Variants in NCKAP5 observed in about 807,000 individuals in gnomAD.
NCKAP5 encodes the protein NCK associated protein 5, also known as nck-associated protein 5.
A neutral mutation model predicts 167.0 loss-of-function variants in NCKAP5; 92 were observed. The ratio of observed to expected loss-of-function variants is 0.55; its 90% CI spans 0.47 to 0.66. NCKAP5 has a LOEUF of 0.66. NCKAP5 is among the 30% of genes least tolerant of loss of function. The pLI, the probability that NCKAP5 is intolerant of heterozygous loss-of-function variation, is 0.00. For missense variants in NCKAP5, 2,378 were observed against 2,315.0 expected (o/e 1.03, Z -0.56); for synonymous variants, 891 against 877.4 (o/e 1.02, Z -0.27).
chr2:132,938,599 C>G (rs953479644), intron 8 of NCKAP5, among the ~76,000 whole-genome samples: 1 of 152,168 alleles, frequency 6.6e-6, no homozygotes, highest in African/African-American at 2.4e-5. Flanking sequence ...CACCATGTCT[C>G]TGTGTGTAAA....
Position 132,783,001 on chromosome 2 carries a change from G to A in NCKAP5, c.3810C>T (p.Gly1270=), listed in dbSNP as rs762873551. 54 of 1,613,774 alleles carry A rather than the reference G, an allele frequency of 3.3e-5. No individual in the cohort carries two copies. Among genetic ancestry groups the A allele is most frequent in the African/African-American group, 1.1e-4 (8 of 74,910 alleles). ...PHLKPALGMN[G]AKARSHSFST... ...TGAAGCTGTGGCTGCGGGCTTTGGC[G>A]CCATTCATACCCAGAGCTGGTTTTA... is the stretch of plus-strand genomic sequence containing the variant. Residue 1270 remains glycine, a synonymous_variant, in exon 14 of 20, where the codon GGC becomes GGT. Coordinates refer to ENST00000409261, the MANE Select transcript of NCKAP5 (RefSeq NM_207363.3).
At chr2:132,967,569 A>C (rs965533935) in intron 7 of NCKAP5, among the ~76,000 whole-genome samples, 2 of 152,184 alleles carry the variant, frequency 1.3e-5, no homozygotes, top group Non-Finnish European at 2.9e-5. Context: ...AGAATAGTTG[A>C]ATAATAGGAT....
the NCKAP5 span, among the ~76,000 whole-genome samples, chr2:133,579,333 T>G: frequency 6.6e-6 from 1 of 152,182 alleles, no homozygotes; most frequent in East Asian, 1.9e-4. Flanking sequence ...ACTATAGACT[T>G]ATAATGAAAC....
intron 3 of NCKAP5, among the ~76,000 whole-genome samples, chr2:133,499,794 A>G (rs1682327879): frequency 6.6e-6 from 1 of 152,084 alleles, no homozygotes; most frequent in African/African-American, 2.4e-5. Flanking sequence ...TCCTGACCTC[A>G]TGATCCGCCC....
At chr2:132,700,006 G>T (rs1400301486) in intron 19 of NCKAP5, among the ~76,000 whole-genome samples, 1 of 152,106 alleles carries the variant, frequency 6.6e-6, no homozygotes, top group Non-Finnish European at 1.5e-5. Context: ...TTCCTGACTT[G>T]TTAATGATCG....
chr2:133,466,529 T>A (rs1416713777), intron 3 of NCKAP5, among the ~76,000 whole-genome samples: 37 of 151,298 alleles, frequency 2.4e-4, no homozygotes, highest in Admixed American at 2.4e-3. Flanking sequence ...TAAAGTAGTT[T>A]TTTCCAATTC....
intron 11 of NCKAP5, among the ~76,000 whole-genome samples, chr2:132,807,619 CTT>C (rs1685540138): frequency 6.6e-6 from 1 of 152,234 alleles, no homozygotes; most frequent in African/African-American, 2.4e-5. Context: ...TATCCGGAAA[CTT>C]TGCTGAATTC....
intron 5 of NCKAP5, among the ~76,000 whole-genome samples, chr2:133,179,233 T>G (rs1277691389): frequency 1.7e-5 from 2 of 121,146 alleles, no homozygotes; most frequent in South Asian, 5.4e-4. Flanking sequence ...TCAGATTTGG[T>G]TTTTTTTTTT....
At chr2:133,472,492 G>T (rs536100337) in intron 3 of NCKAP5, among the ~76,000 whole-genome samples, 1 of 151,702 alleles carries the variant, frequency 6.6e-6, no homozygotes, top group East Asian at 2.0e-4. Flanking sequence ...TCCTTTTTAG[G>T]CTCCCCTCCA....
chr2:133,350,829 C>CA (rs1265131161), intron 3 of NCKAP5, among the ~76,000 whole-genome samples: 1 of 152,078 alleles, frequency 6.6e-6, no homozygotes, highest in African/African-American at 2.4e-5. Context: ...AAGACCTTTG[C>CA]ACATGTTGTT....
At chr2:133,322,674 T>C (rs1450821622) in intron 3 of NCKAP5, among the ~76,000 whole-genome samples, 1 of 152,206 alleles carries the variant, frequency 6.6e-6, no homozygotes, top group Non-Finnish European at 1.5e-5. Context: ...AACAATTGCA[T>C]TTGAGAATCT....
At chr2:133,632,667 T>A in the NCKAP5 span, among the ~76,000 whole-genome samples, 16 of 152,166 alleles carry the variant, frequency 1.1e-4, no homozygotes, top group African/African-American at 3.4e-4. Flanking sequence ...AGATGGACCA[T>A]CTCCTCCAGG....
At chr2:133,494,271 C>T (rs920515051) in intron 3 of NCKAP5, among the ~76,000 whole-genome samples, 3 of 152,186 alleles carry the variant, frequency 2.0e-5, no homozygotes, top group Non-Finnish European at 2.9e-5. Flanking sequence ...GCTATCAAGG[C>T]CTAATTTCTG....
intron 3 of NCKAP5, among the ~76,000 whole-genome samples, chr2:133,361,423 C>T: frequency 6.6e-6 from 1 of 152,174 alleles, no homozygotes; most frequent in East Asian, 1.9e-4. Flanking sequence ...TTCATGGTTT[C>T]ACAAAGTCTC....
At chr2:132,907,561 A>C (rs2148936938) in intron 8 of NCKAP5, among the ~76,000 whole-genome samples, 1 of 152,034 alleles carries the variant, frequency 6.6e-6, no homozygotes, top group South Asian at 2.1e-4. Flanking sequence ...CTGTATGTGC[A>C]CTAAGAGGCA....
intron 8 of NCKAP5, among the ~76,000 whole-genome samples, chr2:132,928,958 C>CCAAAACAAAACAAAACAAAA (rs71398578): frequency 6.7e-5 from 10 of 148,702 alleles, no homozygotes; most frequent in African/African-American, 2.2e-4. Context: ...CCCTTCTCTA[C>CCAAAACAAAACAAAACAAAA]CAAAACAAAA....
chr2:133,228,328 C>T (rs1258160495), intron 4 of NCKAP5, among the ~76,000 whole-genome samples: 2 of 152,034 alleles, frequency 1.3e-5, no homozygotes, highest in East Asian at 1.9e-4. Flanking sequence ...AAAAAATAAC[C>T]GGATCTCTTT....
At chr2:133,538,954 T>TTTA (rs1553437650) in intron 2 of NCKAP5, among the ~76,000 whole-genome samples, 10 of 135,050 alleles carry the variant, frequency 7.4e-5, no homozygotes, top group African/African-American at 2.5e-4. Context: ...TTTTTTTTTT[T>TTTA]TTTTGAGACG....
At chr2:132,776,509 G>A (rs1682563745) in intron 15 of NCKAP5, among the ~76,000 whole-genome samples, 1 of 152,136 alleles carries the variant, frequency 6.6e-6, no homozygotes, top group Non-Finnish European at 1.5e-5. Context: ...AAGCCCCCTG[G>A]CTCTTTCAGC....
Sources: allele counts gnomAD v4.1 joint callset (sites outside exome capture counted in the v4.1 genomes callset), GRCh38; gene constraint gnomAD v4.1.1; transcripts MANE v1.5; gene names NCBI Gene and HGNC (gene_info 2026-07-23, HGNC 2026-07-21).